PDE4D: variants seen among roughly 807,000 people sequenced by gnomAD.
PDE4D encodes 3',5'-cyclic-AMP phosphodiesterase 4D.
Under a neutral mutation model 87.4 loss-of-function variants are expected in PDE4D, and 24 were observed. That is an observed-to-expected ratio of 0.27 (90% CI 0.20 to 0.39). PDE4D has a LOEUF of 0.39. Ranked by LOEUF, PDE4D falls within the 10% of genes least tolerant of loss-of-function variation. The pLI, the probability that PDE4D is intolerant of heterozygous loss-of-function variation, is 1.00. For synonymous variants in PDE4D, 384 were observed against 383.2 expected (o/e 1.00, Z -0.02); for missense variants, 714 against 1,041.0 (o/e 0.69, Z 4.32).
intron 1 of PDE4D, among the ~76,000 whole-genome samples, chr5:59,571,307 T>C (rs907093646): frequency 1.3e-5 from 2 of 152,218 alleles, no homozygotes; most frequent in Admixed American, 1.3e-4. Context: ...CAATGATGAA[T>C]TGGTGTGAAG....
chr5:60,163,673 T>A (rs1314276766), intron 2 of PDE4D, among the ~76,000 whole-genome samples: 1 of 152,202 alleles, frequency 6.6e-6, no homozygotes, highest in Non-Finnish European at 1.5e-5. Context: ...TTGAGACTTC[T>A]TTATGGGGTG....
chr5:59,629,566 C>G (rs1198978743), intron 1 of PDE4D, among the ~76,000 whole-genome samples: 1 of 152,074 alleles, frequency 6.6e-6, no homozygotes, highest in African/African-American at 2.4e-5. Context: ...TCCTCACAGC[C>G]CTCGGAAAGA....
intron 1 of PDE4D, among the ~76,000 whole-genome samples, chr5:60,437,373 G>A (rs930290784): frequency 3.9e-5 from 6 of 152,106 alleles, no homozygotes; most frequent in African/African-American, 1.4e-4. Flanking sequence ...CTATGAGGAT[G>A]AGACAATATA....
intron 1 of PDE4D, among the ~76,000 whole-genome samples, chr5:59,607,008 TA>T (rs1224239821): frequency 6.6e-6 from 1 of 152,072 alleles, no homozygotes; most frequent in Non-Finnish European, 1.5e-5. Context: ...GCCTTTTGGT[TA>T]AAAAGTAACC....
At position 60,441,483 on chromosome 5, in the gene PDE4D, C is replaced by G. The variant is rs896962839; in HGVS notation, c.-90+46459G>C. The stretch of plus-strand genomic sequence containing the variant: ...ACGTAAGACCTAAAACCATAAAAAG[C>G]CTAGAAGAAAACCTAGGCAATACCA... On this transcript the variant is annotated intron_variant, in intron 1 of 16. Transcript: ENST00000502484. Among the ~76,000 whole-genome samples the G allele has an allele frequency of 8.5e-5, 13 of 152,058 alleles. 1 individual carries two copies. Among genetic ancestry groups the G allele is most frequent in the African/African-American group, 2.9e-4 (12 of 41,398 alleles).
intron 1 of PDE4D, among the ~76,000 whole-genome samples, chr5:60,196,353 C>A (rs1741217157): frequency 6.6e-6 from 1 of 151,690 alleles, no homozygotes; most frequent in Non-Finnish European, 1.5e-5. Flanking sequence ...AGTCCAGGGA[C>A]CTTCTCATTA....
intron 1 of PDE4D, among the ~76,000 whole-genome samples, chr5:59,724,310 T>G (rs1756280456): frequency 6.6e-6 from 1 of 152,156 alleles, no homozygotes. Context: ...TTCCTCAAGA[T>G]GTCAAATTAC....
chr5:60,300,749 T>C (rs1221166074), intron 1 of PDE4D, among the ~76,000 whole-genome samples: 3 of 152,062 alleles, frequency 2.0e-5, no homozygotes, highest in African/African-American at 4.8e-5. Context: ...TTCTCTTCCA[T>C]TGGGCTATGT....
At chr5:59,809,980 C>T (rs1045110965) in intron 1 of PDE4D, among the ~76,000 whole-genome samples, 2 of 152,184 alleles carry the variant, frequency 1.3e-5, no homozygotes, top group African/African-American at 4.8e-5. Flanking sequence ...ATGTATACTG[C>T]TTGAAAGGCA....
At chr5:59,164,772 C>G (rs1971940) in intron 5 of PDE4D, among the ~76,000 whole-genome samples, 2 of 151,836 alleles carry the variant, frequency 1.3e-5, no homozygotes, top group Non-Finnish European at 1.5e-5. Context: ...ACTTGTTAAA[C>G]GTTGGGTAAG....
At chr5:59,481,951 G>T (rs918657031) in intron 1 of PDE4D, among the ~76,000 whole-genome samples, 23 of 151,896 alleles carry the variant, frequency 1.5e-4, no homozygotes, top group African/African-American at 5.3e-4. Flanking sequence ...AAGTTAATTT[G>T]CATACCTTCC....
chr5:60,411,772 C>G (rs1423356909), intron 1 of PDE4D, among the ~76,000 whole-genome samples: 1 of 152,034 alleles, frequency 6.6e-6, no homozygotes, highest in Non-Finnish European at 1.5e-5. Flanking sequence ...ATATATTTTT[C>G]TTATTGCTGC....
intron 1 of PDE4D, among the ~76,000 whole-genome samples, chr5:60,423,360 C>T (rs1457942982): frequency 6.6e-6 from 1 of 152,178 alleles, no homozygotes; most frequent in Non-Finnish European, 1.5e-5. Context: ...GACCACAATG[C>T]AATCAAATTA....
At chr5:60,044,513 C>A (rs192748287) in intron 2 of PDE4D, among the ~76,000 whole-genome samples, 1 of 152,046 alleles carries the variant, frequency 6.6e-6, no homozygotes, top group Admixed American at 6.6e-5. Context: ...ATCCCTCCCC[C>A]CTACCCCCAC....
intron 1 of PDE4D, among the ~76,000 whole-genome samples, chr5:59,647,545 C>G (rs919576325): frequency 1.3e-5 from 2 of 151,396 alleles, no homozygotes; most frequent in Admixed American, 1.3e-4. Flanking sequence ...TTATGACACA[C>G]TTTAAATAAC....
intron 1 of PDE4D, among the ~76,000 whole-genome samples, chr5:59,288,717 GA>G (rs1767452888): frequency 6.6e-6 from 1 of 151,820 alleles, no homozygotes. Flanking sequence ...AAAAAATAAA[GA>G]AAAAACATAC....
At chr5:59,878,175 A>G (rs1013623741) in intron 1 of PDE4D, among the ~76,000 whole-genome samples, 1 of 152,184 alleles carries the variant, frequency 6.6e-6, no homozygotes, top group African/African-American at 2.4e-5. Context: ...ATGAGTTGAG[A>G]AAACCAATTT....
intron 2 of PDE4D, among the ~76,000 whole-genome samples, chr5:59,196,694 G>A (rs1745524372): frequency 6.6e-6 from 1 of 152,068 alleles, no homozygotes; most frequent in Non-Finnish European, 1.5e-5. Context: ...TCTTGGGAGT[G>A]GTGGACAAAT....
chr5:60,396,129 T>C (rs1411656239), intron 1 of PDE4D, among the ~76,000 whole-genome samples: 1 of 152,226 alleles, frequency 6.6e-6, no homozygotes, highest in Non-Finnish European at 1.5e-5. Flanking sequence ...TGCTCTTTTC[T>C]GTTTTGCATA....
Sources: allele counts gnomAD v4.1 joint callset (sites outside exome capture counted in the v4.1 genomes callset), GRCh38; gene constraint gnomAD v4.1.1; transcripts MANE v1.5; gene names NCBI Gene and HGNC (gene_info 2026-07-23, HGNC 2026-07-21).